Variants in GALNT17 observed in about 807,000 individuals in gnomAD.
GALNT17 encodes UDP-GalNAc:polypeptide N-acetylgalactosaminyltransferase-like 3.
A neutral mutation model predicts 63.7 loss-of-function variants in GALNT17; 29 were observed. The observed-to-expected ratio is 0.46, with a 90% CI of 0.34 to 0.62. The LOEUF is 0.62. Ranked by LOEUF, GALNT17 falls within the 20% of genes least tolerant of loss-of-function variation. GALNT17 has a pLI of 0.01. For missense variants in GALNT17, 603 were observed against 799.6 expected (o/e 0.75, Z 2.97); for synonymous variants, 305 against 318.3 (o/e 0.96, Z 0.45).
rs114123060 is a variant in GALNT17 at position 71,585,837 on chromosome 7, A to G, written c.1080+14435A>G. ...TGACATTGGACATTTCTGTTGCCTGAGAAAGTCCCTTTTTCCTATCAGTTC... is the reference window on the plus strand; with the variant it reads ...TGACATTGGACATTTCTGTTGCCTGGGAAAGTCCCTTTTTCCTATCAGTTC... On this transcript the variant is annotated intron_variant, in intron 6 of 10. Transcript: ENST00000333538. Among the ~76,000 whole-genome samples the G allele has an allele frequency of 3.1e-3, 476 of 152,104 alleles. 3 individuals are homozygous for G. The highest frequency in any genetic ancestry group is 0.011 in the African/African-American group (457 of 41,492).
intron 2 of GALNT17, among the ~76,000 whole-genome samples, chr7:71,338,734 T>C (rs1791957147): frequency 6.6e-6 from 1 of 152,240 alleles, no homozygotes; most frequent in South Asian, 2.1e-4. Flanking sequence ...GTAGTGTCTC[T>C]CTTTTTCTAT....
intron 6 of GALNT17, among the ~76,000 whole-genome samples, chr7:71,634,790 G>T (rs796945142): frequency 7.3e-5 from 11 of 151,134 alleles, no homozygotes; most frequent in African/African-American, 2.7e-4. Flanking sequence ...AAGAAAAAAA[G>T]AAATACATTG....
intron 6 of GALNT17, among the ~76,000 whole-genome samples, chr7:71,664,007 A>G (rs1207798963): frequency 3.5e-5 from 5 of 143,812 alleles, no homozygotes; most frequent in African/African-American, 1.3e-4. Flanking sequence ...CCTCATTTCC[A>G]TAAATTAATT....
chr7:71,687,231 C>A (rs1028073858), intron 9 of GALNT17, among the ~76,000 whole-genome samples: 6 of 152,206 alleles, frequency 3.9e-5, no homozygotes, highest in African/African-American at 1.4e-4. Context: ...AGATGAGATT[C>A]TTTTATCCTG....
At chr7:71,440,961 T>C (rs938329175) in intron 5 of GALNT17, among the ~76,000 whole-genome samples, 1 of 152,132 alleles carries the variant, frequency 6.6e-6, no homozygotes, top group African/African-American at 2.4e-5. Flanking sequence ...CAGGAACATA[T>C]GACTATTTCA....
chr7:71,262,657 T>A (rs1158426430), intron 1 of GALNT17, among the ~76,000 whole-genome samples: 1 of 151,242 alleles, frequency 6.6e-6, no homozygotes, highest in Non-Finnish European at 1.5e-5. Context: ...GATGACTGAC[T>A]GGTGTCCTTT....
chr7:71,412,316 T>C (rs970516047), intron 3 of GALNT17, among the ~76,000 whole-genome samples: 5 of 152,054 alleles, frequency 3.3e-5, no homozygotes, highest in African/African-American at 1.2e-4. Flanking sequence ...CGTGTGGTTC[T>C]AAGTCTTCTT....
At chr7:71,646,275 G>A (rs1790674472) in intron 6 of GALNT17, among the ~76,000 whole-genome samples, 1 of 152,144 alleles carries the variant, frequency 6.6e-6, no homozygotes, top group African/African-American at 2.4e-5. Context: ...TGCAGTTTAT[G>A]CAAAAAGAAA....
intron 2 of GALNT17, among the ~76,000 whole-genome samples, chr7:71,359,860 A>T (rs924732422): frequency 1.3e-5 from 2 of 152,210 alleles, no homozygotes; most frequent in African/African-American, 4.8e-5. Flanking sequence ...ATAAAAATTC[A>T]TGATAATCCA....
intron 1 of GALNT17, among the ~76,000 whole-genome samples, chr7:71,138,803 GTC>G (rs762602181): frequency 4.6e-5 from 7 of 152,046 alleles, no homozygotes; most frequent in Admixed American, 1.3e-4. Context: ...GCGAAACCCT[GTC>G]TCTACAAAAA....
chr7:71,181,804 G>A (rs896912308), intron 1 of GALNT17, among the ~76,000 whole-genome samples: 7 of 152,100 alleles, frequency 4.6e-5, no homozygotes, highest in Non-Finnish European at 7.3e-5. Context: ...TTGAACCCAG[G>A]AGTTGAAGGC....
chr7:71,285,362 C>CT (rs1259811831), intron 1 of GALNT17, among the ~76,000 whole-genome samples: 6 of 152,192 alleles, frequency 3.9e-5, no homozygotes, highest in African/African-American at 1.2e-4. Flanking sequence ...AGAAAATTCA[C>CT]TTTAGCTTCA....
At chr7:71,225,216 G>A (rs889763309) in intron 1 of GALNT17, among the ~76,000 whole-genome samples, 2 of 152,078 alleles carry the variant, frequency 1.3e-5, no homozygotes, top group African/African-American at 2.4e-5. Flanking sequence ...TGATCTGCCC[G>A]CCTCAGCCTC....
intron 1 of GALNT17, among the ~76,000 whole-genome samples, chr7:71,137,203 G>A (rs1470747740): frequency 6.7e-6 from 1 of 149,456 alleles, no homozygotes; most frequent in Admixed American, 6.7e-5. Context: ...GCAGTGGCGC[G>A]ATCTCGGCTC....
intron 1 of GALNT17, among the ~76,000 whole-genome samples, chr7:71,232,706 C>T (rs1283799963): frequency 2.6e-5 from 4 of 152,122 alleles, no homozygotes; most frequent in African/African-American, 4.8e-5. Flanking sequence ...TGGAGTGCAG[C>T]CGCTCAGGGT....
chr7:71,566,001 G>A (rs1459336707), intron 5 of GALNT17, among the ~76,000 whole-genome samples: 1 of 151,808 alleles, frequency 6.6e-6, no homozygotes, highest in East Asian at 1.9e-4. Context: ...GTGCTACTAG[G>A]CCTGGCTAAT....
At chr7:71,150,999 A>C (rs536759097) in intron 1 of GALNT17, among the ~76,000 whole-genome samples, 5 of 149,456 alleles carry the variant, frequency 3.3e-5, no homozygotes, top group African/African-American at 7.4e-5. Flanking sequence ...AAAAAAAAAG[A>C]AGCATCCTGG....
At chr7:71,696,904 C>G (rs943497796) in intron 9 of GALNT17, among the ~76,000 whole-genome samples, 1 of 152,050 alleles carries the variant, frequency 6.6e-6, no homozygotes, top group South Asian at 2.1e-4. Context: ...CTAAAAATAA[C>G]ACTAAGAAAA....
chr7:71,339,585 G>A (rs994107386), intron 2 of GALNT17, among the ~76,000 whole-genome samples: 1 of 152,124 alleles, frequency 6.6e-6, no homozygotes, highest in African/African-American at 2.4e-5. Flanking sequence ...AGCTACTTGG[G>A]AGACTGAGGC....
Sources: allele counts gnomAD v4.1 joint callset (sites outside exome capture counted in the v4.1 genomes callset), GRCh38; gene constraint gnomAD v4.1.1; transcripts MANE v1.5; gene names NCBI Gene and HGNC (gene_info 2026-07-23, HGNC 2026-07-21).